The following DLG2 variants were observed in gnomAD, a reference collection of about 807,000 sequenced individuals.
DLG2 encodes the protein disks large homolog 2.
Under a neutral mutation model 132.5 loss-of-function variants are expected in DLG2, and 45 were observed. The observed-to-expected ratio is 0.34, with a 90% CI of 0.27 to 0.44. The LOEUF is 0.44. DLG2 is among the 20% of genes least tolerant of loss of function. DLG2 has a pLI of 1.00. For missense variants in DLG2, 1,045 were observed against 1,196.9 expected (o/e 0.87, Z 1.87); for synonymous variants, 424 against 419.6 (o/e 1.01, Z -0.13).
chr11:84,710,042 T>C (rs2060208173), intron 6 of DLG2, among the ~76,000 whole-genome samples: 1 of 151,990 alleles, frequency 6.6e-6, no homozygotes, highest in Non-Finnish European at 1.5e-5. Context: ...CCTCATCTGA[T>C]ATTAGTTGTA....
intron 6 of DLG2, among the ~76,000 whole-genome samples, chr11:84,715,074 C>T (rs1373905724): frequency 1.3e-5 from 2 of 151,820 alleles, no homozygotes; most frequent in Non-Finnish European, 2.9e-5. Flanking sequence ...AAATACTCAC[C>T]AGAAAAAAAT....
At chr11:84,782,704 G>C (rs1349138708) in intron 6 of DLG2, among the ~76,000 whole-genome samples, 1 of 152,088 alleles carries the variant, frequency 6.6e-6, no homozygotes, top group African/African-American at 2.4e-5. Flanking sequence ...CTATTACATG[G>C]AGGAGTGGGA....
intron 8 of DLG2, among the ~76,000 whole-genome samples, chr11:84,198,066 G>T (rs1435398328): frequency 6.6e-6 from 1 of 152,112 alleles, no homozygotes; most frequent in African/African-American, 2.4e-5. Context: ...TTCTGGGTTT[G>T]TGTACCTTCT....
At chr11:84,066,436 A>T (rs891163642) in intron 10 of DLG2, among the ~76,000 whole-genome samples, 3 of 152,114 alleles carry the variant, frequency 2.0e-5, no homozygotes, top group Non-Finnish European at 4.4e-5. Flanking sequence ...ACCTAACTGC[A>T]CTCAGACCTC....
At chr11:84,187,848 T>C (rs976923327) in intron 8 of DLG2, among the ~76,000 whole-genome samples, 2 of 152,064 alleles carry the variant, frequency 1.3e-5, no homozygotes, top group African/African-American at 4.8e-5. Context: ...GCTTTAAACA[T>C]AGGACTAAAA....
intron 8 of DLG2, among the ~76,000 whole-genome samples, chr11:84,181,881 G>A (rs536683704): frequency 6.6e-6 from 1 of 152,098 alleles, no homozygotes; most frequent in South Asian, 2.1e-4. Context: ...AATACATGGG[G>A]GTAAAAACCC....
intron 14 of DLG2, among the ~76,000 whole-genome samples, chr11:83,944,517 A>T (rs931723400): frequency 3.3e-5 from 5 of 152,234 alleles, no homozygotes; most frequent in African/African-American, 1.2e-4. Flanking sequence ...TGACTGGCCC[A>T]GTATAGCCGA....
intron 7 of DLG2, among the ~76,000 whole-genome samples, chr11:84,361,043 G>A (rs1477295015): frequency 6.6e-6 from 1 of 151,826 alleles, no homozygotes; most frequent in African/African-American, 2.4e-5. Flanking sequence ...CAGTTAACTC[G>A]AAGAAATAGT....
intron 15 of DLG2, among the ~76,000 whole-genome samples, chr11:83,924,344 A>G (rs557013036): frequency 1.3e-5 from 2 of 152,168 alleles, no homozygotes; most frequent in African/African-American, 4.8e-5. Flanking sequence ...TTAGTATTCA[A>G]TTTGGAACAC....
rs140090729 is a variant in DLG2, at chr11:84,441,600, G to A, written c.519+92970C>T. Reference sequence around the variant, plus strand: ...GTTATATTTTGCTCTAAGTATATATGTATCATGTGACTCATCTACATAACA... The same window carrying A: ...GTTATATTTTGCTCTAAGTATATATATATCATGTGACTCATCTACATAACA... On this transcript the variant is annotated intron_variant, in intron 7 of 27. Transcript: ENST00000376104. Among the ~76,000 whole-genome samples, 803 of 152,236 alleles carry A rather than the reference G, an allele frequency of 5.3e-3. 10 individuals are homozygous for A. Among genetic ancestry groups the A allele is most frequent in the African/African-American group, 0.019 (775 of 41,530 alleles).
chr11:84,981,040 C>T (rs1251905110), intron 6 of DLG2, among the ~76,000 whole-genome samples: 3 of 152,088 alleles, frequency 2.0e-5, no homozygotes, highest in African/African-American at 7.2e-5. Flanking sequence ...GGCTTATGAG[C>T]TTTTAAAGAG....
chr11:83,636,708 T>C (rs1175908314), intron 18 of DLG2, among the ~76,000 whole-genome samples: 1 of 152,208 alleles, frequency 6.6e-6, no homozygotes, highest in East Asian at 1.9e-4. Flanking sequence ...AATAGAATAC[T>C]TGCCTTAATA....
At chr11:84,151,887 A>G (rs1387357611) in intron 9 of DLG2, among the ~76,000 whole-genome samples, 1 of 152,072 alleles carries the variant, frequency 6.6e-6, no homozygotes, top group Admixed American at 6.6e-5. Context: ...TTCTATTTTT[A>G]TTGCACTGTA....
intron 6 of DLG2, among the ~76,000 whole-genome samples, chr11:84,647,751 G>A (rs1371669588): frequency 6.6e-6 from 1 of 152,174 alleles, no homozygotes; most frequent in Non-Finnish European, 1.5e-5. Context: ...ATAGAGATGT[G>A]AACAGTATTT....
intron 18 of DLG2, among the ~76,000 whole-genome samples, chr11:83,671,160 T>C (rs2076759488): frequency 6.6e-6 from 1 of 152,216 alleles, no homozygotes; most frequent in South Asian, 2.1e-4. Context: ...TTATCCTAAT[T>C]AAGAACATGG....
At chr11:84,026,236 C>T (rs2095531200) in intron 11 of DLG2, among the ~76,000 whole-genome samples, 1 of 152,010 alleles carries the variant, frequency 6.6e-6, no homozygotes, top group African/African-American at 2.4e-5. Context: ...GGAGTAAAGG[C>T]TTTTACCTCC....
intron 17 of DLG2, among the ~76,000 whole-genome samples, chr11:83,827,357 G>A (rs1046200070): frequency 3.9e-5 from 6 of 152,080 alleles, no homozygotes; most frequent in Admixed American, 6.6e-5. Flanking sequence ...GGCAAATCAA[G>A]TCCTTCCCCT....
intron 6 of DLG2, among the ~76,000 whole-genome samples, chr11:84,805,256 A>T (rs948819828): frequency 2.0e-5 from 3 of 152,140 alleles, no homozygotes; most frequent in African/African-American, 7.2e-5. Context: ...ACAGCATGGG[A>T]AACTGGGAAT....
chr11:84,574,164 G>C (rs1199416291), intron 6 of DLG2, among the ~76,000 whole-genome samples: 3 of 152,094 alleles, frequency 2.0e-5, no homozygotes, highest in Non-Finnish European at 4.4e-5. Context: ...CAGAGTATCT[G>C]ACAGAGACAC....
Sources: gnomAD v4.1 joint callset for allele counts (sites outside exome capture counted in the v4.1 genomes callset) on GRCh38, gnomAD v4.1.1 for gene constraint, MANE v1.5 for transcripts, NCBI Gene and HGNC (gene_info 2026-07-23, HGNC 2026-07-21) for gene names.